Variants in PLXNA2 observed in about 807,000 individuals in gnomAD.
PLXNA2 encodes plexin-A2.
Under a neutral mutation model 193.5 loss-of-function variants are expected in PLXNA2, and 91 were observed. That is an observed-to-expected ratio of 0.47 (90% CI 0.40 to 0.56). The LOEUF is 0.56. Among genes scored for constraint, PLXNA2 ranks in the 20% least tolerant of loss-of-function variants. The pLI, the probability that PLXNA2 is intolerant of heterozygous loss-of-function variation, is 0.00. For missense variants in PLXNA2, 1,995 were observed against 2,503.2 expected, an observed-to-expected ratio of 0.80 and a Z score of 4.33; for synonymous variants, 997 against 1,027.3, an observed-to-expected ratio of 0.97 and a Z score of 0.56.
intron 4 of PLXNA2, among the ~76,000 whole-genome samples, chr1:208,120,889 G>A (rs909072962): frequency 4.6e-5 from 7 of 152,130 alleles, no homozygotes; most frequent in Non-Finnish European, 1.0e-4. Context: ...CCAAGGAGGA[G>A]GCAAGATTTG....
intron 13 of PLXNA2, among the ~76,000 whole-genome samples, chr1:208,057,623 G>C (rs549676608): frequency 1.2e-4 from 19 of 152,268 alleles, no homozygotes; most frequent in African/African-American, 4.1e-4. Context: ...TTGATTTCTT[G>C]AGGCCTCTTG....
chr1:208,118,743 A>AT (rs531108738), intron 4 of PLXNA2, among the ~76,000 whole-genome samples: 3 of 150,316 alleles, frequency 2.0e-5, no homozygotes, highest in East Asian at 1.9e-4. Flanking sequence ...ACAAAGATAC[A>AT]TTTTTTTTCT....
chr1:208,125,267 G>A (rs1253756924), intron 4 of PLXNA2, among the ~76,000 whole-genome samples: 1 of 152,214 alleles, frequency 6.6e-6, no homozygotes, highest in Non-Finnish European at 1.5e-5. Flanking sequence ...GTATACCAGT[G>A]AAGGCTGGTC....
intron 3 of PLXNA2, among the ~76,000 whole-genome samples, chr1:208,177,441 C>A (rs529813385): frequency 2.0e-4 from 31 of 152,264 alleles, no homozygotes; most frequent in South Asian, 4.1e-4. Flanking sequence ...ATTACAGATA[C>A]CTCAGGATTA....
rs185745250 is a variant in PLXNA2, at chr1:208,151,760, G to A, written c.1372-9297C>T. On this transcript the variant is annotated intron_variant, in intron 3 of 31. Coordinates refer to ENST00000367033, the MANE Select transcript of PLXNA2 (RefSeq NM_025179.4). The stretch of plus-strand genomic sequence containing the variant: ...AAAGACATGTTAAGTGTCTATTGCA[G>A]GATCACACAGCTAGAAAGTGGCAGA... Among the ~76,000 whole-genome samples, 164 of 152,342 alleles carry A rather than the reference G, an allele frequency of 1.1e-3. 1 individual carries two copies. Among genetic ancestry groups the A allele is most frequent in the Non-Finnish European group, 1.9e-3 (129 of 68,038 alleles).
Position 208,241,705 on chromosome 1 carries a change from A to C in PLXNA2, c.-81+1938T>G, listed in dbSNP as rs1228489361. On this transcript the variant is annotated intron_variant, in intron 1 of 31. Transcript: ENST00000367033. ...CATCCTAATGCAATTTGCTGAGGAC[A>C]GTGAGGGAGCAGAGAGGGTAATCTG... 1.3e-5 allele frequency among the ~76,000 whole-genome samples: 2 copies of C among 152,236 alleles called. 1 individual carries two copies. Among genetic ancestry groups the C allele is most frequent in the Admixed American group, 1.3e-4 (2 of 15,288 alleles).
Position 208,031,764 on chromosome 1 carries a change from A to G in PLXNA2, c.5056-5T>C. ...CACAAACTTCTGCAGGGTGCCCTGG[A>G]GGAGGGGTGGGGGAGAGTAAGATGG... On this transcript the variant is annotated splice_polypyrimidine_tract_variant and splice_region_variant and intron_variant, in intron 28 of 31. Transcript: ENST00000367033. 1.3e-6 allele frequency: 2 copies of G among 1,584,530 alleles called. No homozygotes were observed. The highest frequency in any genetic ancestry group is 1.7e-6 in the Non-Finnish European group (2 of 1,161,096).
chr1:208,047,123 G>A (rs1665099074), intron 17 of PLXNA2, among the ~76,000 whole-genome samples: 1 of 152,046 alleles, frequency 6.6e-6, no homozygotes, highest in Non-Finnish European at 1.5e-5. Flanking sequence ...ACCACGCCCA[G>A]CTAATTTTTG....
At chr1:208,160,029 C>T (rs923433237) in intron 3 of PLXNA2, among the ~76,000 whole-genome samples, 5 of 152,172 alleles carry the variant, frequency 3.3e-5, no homozygotes, top group African/African-American at 9.7e-5. Flanking sequence ...TGCCCACAGT[C>T]GACTGTAAGG....
rs752165049 is a variant in PLXNA2 at position 208,051,284 on chromosome 1, G to T, written c.3133C>A (p.Arg1045Ser). Residue 1045 changes from arginine to serine, a missense_variant, in exon 16 of 32, where the codon CGC becomes AGC. By Grantham distance (110) the Arg-to-Ser change is moderately radical. This residue lies in a region of PLXNA2 where 1,291 missense variants were observed against 1,673.6 expected (regional missense o/e 0.77). Transcript: ENST00000367033. Reference sequence around the variant, plus strand: ...GCAATGCTCCACTCTGGCTCGATGCGCTGGACCCGAGGGTCATCTATGTAC... The same window carrying T: ...GCAATGCTCCACTCTGGCTCGATGCTCTGGACCCGAGGGTCATCTATGTAC... ...FEYIDDPRVQ[R>S]IEPEWSIASG... is the part of the protein sequence containing the mutation. 6.2e-7 allele frequency: 1 copy of T among 1,611,770 alleles called. No homozygotes were observed. The highest frequency in any genetic ancestry group is 8.5e-7 in the Non-Finnish European group (1 of 1,178,786).
chr1:208,121,830 CACAA>C (rs1667814954), intron 4 of PLXNA2, among the ~76,000 whole-genome samples: 3 of 152,280 alleles, frequency 2.0e-5, no homozygotes, highest in South Asian at 4.1e-4. Flanking sequence ...CACTCATGAA[CACAA>C]ACACACATCC....
rs6666887 is a variant in PLXNA2, at chr1:208,108,146, C to T, written c.1507-4899G>A. Among the ~76,000 whole-genome samples, 967 of 152,196 alleles carry T rather than the reference C, an allele frequency of 6.4e-3. 14 individuals carry two copies. Among genetic ancestry groups the T allele is most frequent in the African/African-American group, 0.021 (859 of 41,520 alleles). On this transcript the variant is annotated intron_variant, in intron 4 of 31. Transcript: ENST00000367033. ...GGAGTGCAGAGTGTGGGGCAGTTTT[C>T]CTTCCCTGACCAACTCTCTCAATTC...
intron 12 of PLXNA2, among the ~76,000 whole-genome samples, chr1:208,063,254 G>A (rs1027226701): frequency 9.2e-5 from 14 of 152,198 alleles, no homozygotes; most frequent in African/African-American, 2.7e-4. Flanking sequence ...TGTGGGGACC[G>A]CATTGTGGAT....
At chr1:208,180,618 C>T (rs1350496386) in intron 3 of PLXNA2, among the ~76,000 whole-genome samples, 1 of 152,196 alleles carries the variant, frequency 6.6e-6, no homozygotes, top group Non-Finnish European at 1.5e-5. Flanking sequence ...TGGCATCCAT[C>T]CTAGAAAGGC....
chr1:208,242,121 C>A (rs770472237), intron 1 of PLXNA2, among the ~76,000 whole-genome samples: 1 of 152,168 alleles, frequency 6.6e-6, no homozygotes, highest in South Asian at 2.1e-4. Flanking sequence ...AAAAGTTGTG[C>A]ATTTCAGTTA....
At chr1:208,120,806 T>C (rs1290965022) in intron 4 of PLXNA2, among the ~76,000 whole-genome samples, 2 of 152,122 alleles carry the variant, frequency 1.3e-5, no homozygotes, top group Non-Finnish European at 2.9e-5. Context: ...GGCCCTCTTA[T>C]AATGTCTGTG....
Position 208,027,171 on chromosome 1 carries a change from T to C in PLXNA2, c.*72A>G. On this transcript the variant is annotated 3_prime_UTR_variant, in exon 32 of 32. Transcript: ENST00000367033. ...TCTGGGGCCTGATCCCCATCACTTG[T>C]CCTTCCATCTGAGACTCCCAGTGTG... 3.8e-6 allele frequency: 5 copies of C among 1,320,816 alleles called. No individual in the cohort carries two copies. The highest frequency in any genetic ancestry group is 5.4e-6 in the Non-Finnish European group (5 of 922,384). 81.8% of individuals were successfully genotyped at this position (1,320,816 alleles called of 1,614,324 possible).
rs771787779 is a variant in PLXNA2 at position 208,236,643 on chromosome 1, C to T, written c.-81+7000G>A. Among the ~76,000 whole-genome samples, 27 of 152,334 alleles carry T rather than the reference C, an allele frequency of 1.8e-4. No homozygotes were observed. Among genetic ancestry groups the T allele is most frequent in the Admixed American group, 5.9e-4 (9 of 15,302 alleles). On this transcript the variant is annotated intron_variant, in intron 1 of 31. Coordinates refer to ENST00000367033, the MANE Select transcript of PLXNA2 (RefSeq NM_025179.4). This position sits in a 1 kb window ranked among gnomAD's most constrained non-coding sequence, Gnocchi z 4.4. ...TTCTGAGCTGTCCCTGGCGTGTTCT[C>T]GTTCACTCAGTGAGTTGTCTACCAC... is the stretch of plus-strand genomic sequence containing the variant.
At chr1:208,081,084 C>T (rs948849855) in intron 11 of PLXNA2, among the ~76,000 whole-genome samples, 1 of 152,154 alleles carries the variant, frequency 6.6e-6, no homozygotes, top group African/African-American at 2.4e-5. Flanking sequence ...GTAGAGTTTC[C>T]GATGCAACAG....
Sources: allele counts gnomAD v4.1 joint callset (sites outside exome capture counted in the v4.1 genomes callset), GRCh38; gene constraint gnomAD v4.1.1; regional missense constraint gnomAD v4.1.1; non-coding constraint Gnocchi (gnomAD v3.1); transcripts MANE v1.5; gene names NCBI Gene and HGNC (gene_info 2026-07-23, HGNC 2026-07-21).